FLRT2: variants seen among roughly 807,000 people sequenced by gnomAD.
FLRT2 encodes the protein fibronectin leucine rich transmembrane protein 2, also known as leucine-rich repeat transmembrane protein FLRT2.
Under a neutral mutation model 40.0 loss-of-function variants are expected in FLRT2, and 15 were observed. That is an observed-to-expected ratio of 0.38 (90% CI 0.25 to 0.58). The LOEUF (loss-of-function observed/expected upper bound fraction) is 0.58, where lower values mean the gene tolerates loss of function less well. Among genes scored for constraint, FLRT2 ranks in the 20% least tolerant of loss-of-function variants. The probability of loss-of-function intolerance (pLI) is 0.71; values close to 1 mark genes in which losing one functional copy is unlikely to be tolerated. For missense variants in FLRT2, 726 were observed against 840.0 expected (o/e 0.86, Z 1.68); for synonymous variants, 380 against 336.8 (o/e 1.13, Z -1.41).
chr14:85,653,125 C>T lies in FLRT2; in HGVS notation c.*29628C>T, dbSNP rs1195492984. The T allele has an allele frequency of 6.6e-6, 1 of 152,160 alleles. No individual in the cohort carries two copies. The highest frequency in any genetic ancestry group is 2.4e-5 in the African/African-American group (1 of 41,442). The allele number at this position is 152,160 out of a possible 1,614,324, so 9.4% of individuals were successfully genotyped here. A position where few individuals can be genotyped will look rare whatever the true frequency, so the allele number is the denominator to read the frequency against. ...ACATTTATAATTATGCATCTGAAGT[C>T]AGAACACCTTTTCTTTTTAAACATT... is the stretch of plus-strand genomic sequence containing the variant. On this transcript the variant is annotated 3_prime_UTR_variant, in exon 2 of 2. Transcript: ENST00000330753.
At position 85,626,988 on chromosome 14, in the gene FLRT2, G is replaced by A. The variant is rs574907343; in HGVS notation, c.*3491G>A. On this transcript the variant is annotated 3_prime_UTR_variant, in exon 2 of 2. Transcript: ENST00000330753. ...TGATTGAAGCATCCATTCAGAACAC[G>A]AGGCAATATTGCAGTCCACAGGGAA... 2.4e-5 allele frequency: 4 copies of A among 167,088 alleles called. No individual in the cohort carries two copies. The highest frequency in any genetic ancestry group is 3.9e-4 in the East Asian group (2 of 5,176). 10.4% of individuals were successfully genotyped at this position (167,088 alleles called of 1,614,324 possible). A position where few individuals can be genotyped will look rare whatever the true frequency, so the allele number is the denominator to read the frequency against.
rs1320331710 is a variant in FLRT2, at chr14:85,622,279, C to G, written c.765C>G (p.Ile255Met). The G allele has an allele frequency of 6.2e-7, 1 of 1,614,168 alleles. No individual in the cohort carries two copies. The highest frequency in any genetic ancestry group is 1.1e-5 in the South Asian group (1 of 91,088). Residue 255 changes from isoleucine to methionine, a missense_variant, in exon 2 of 2, where the codon ATC becomes ATG. This residue lies in a region of FLRT2 where 611 missense variants were observed against 690.0 expected (regional missense o/e 0.89). Coordinates refer to ENST00000330753, the MANE Select transcript of FLRT2 (RefSeq NM_013231.6). ...PPPDLPGTHL[I>M]RLYLQDNQIN... is the part of the protein sequence containing the mutation. ...CCGATCTCCCAGGTACGCATCTGAT[C>G]AGGCTCTATTTGCAGGACAACCAGA...
In FLRT2 at chr14:85,621,843, A is replaced by G. The variant is rs1893400292; in HGVS notation, c.329A>G (p.Asn110Ser). 6.2e-7 allele frequency: 1 copy of G among 1,614,012 alleles called. No homozygotes were observed. The highest frequency in any genetic ancestry group is 8.5e-7 in the Non-Finnish European group (1 of 1,180,002). ...GAATTCCCCATGAACCTTCCCAAGA[A>G]TGTCAGAGTTCTCCATTTGCAGGAA... Reference protein sequence around the residue: ...LDEFPMNLPKNVRVLHLQENN... With the variant: ...LDEFPMNLPKSVRVLHLQENN... The change falls in exon 2 of 2, where the codon AAT becomes AGT. Residue 110 changes from asparagine (N) to serine (S), a missense_variant. Physicochemically the swap from Asn to Ser is conservative, Grantham distance 46. Around this residue, in one of 3 missense-constraint regions of FLRT2, gnomAD observed 9 missense variants for 28.8 expected, o/e 0.31. Coordinates refer to ENST00000330753, the MANE Select transcript of FLRT2 (RefSeq NM_013231.6).
chr14:85,590,083 A>G (rs534163702), intron 1 of FLRT2, among the ~76,000 whole-genome samples: 1 of 149,876 alleles, frequency 6.7e-6, no homozygotes, highest in Admixed American at 6.6e-5. Flanking sequence ...TAAACATAAC[A>G]TTATAGACCT....
intron 1 of FLRT2, among the ~76,000 whole-genome samples, chr14:85,583,557 C>A (rs1891483357): frequency 1.3e-5 from 2 of 152,180 alleles, no homozygotes; most frequent in South Asian, 2.1e-4. Flanking sequence ...CAGAATTAAG[C>A]AGTAGATGCT....
rs1025857764 is a variant in FLRT2, at chr14:85,648,698, C to G, written c.*25201C>G. 1.3e-5 allele frequency: 2 copies of G among 152,094 alleles called. No individual in the cohort carries two copies. Among genetic ancestry groups the G allele is most frequent in the Admixed American group, 6.6e-5 (1 of 15,234 alleles). The allele number at this position is 152,094 out of a possible 1,614,324, so 9.4% of individuals were successfully genotyped here. ...AGGTTTTATTTCCTAAACTGGACCTCTTACCAAACACAGATGAGATGTACT... is the reference window on the plus strand; with the variant it reads ...AGGTTTTATTTCCTAAACTGGACCTGTTACCAAACACAGATGAGATGTACT... On this transcript the variant is annotated 3_prime_UTR_variant, in exon 2 of 2. Transcript: ENST00000330753.
chr14:85,543,536 A>T (rs1388119746), intron 1 of FLRT2, among the ~76,000 whole-genome samples: 1 of 151,640 alleles, frequency 6.6e-6, no homozygotes, highest in Non-Finnish European at 1.5e-5. Flanking sequence ...CTAAAAAAAA[A>T]AAATAAAGAA....
rs547528351 is a variant in FLRT2 at position 85,623,660 on chromosome 14, A to T, written c.*163A>T. Reference sequence around the variant, plus strand: ...TACGGTGTACTATATAATGGGATTTAAAAAAAGTGCTATCTTTTCTATTTC... The same window carrying T: ...TACGGTGTACTATATAATGGGATTTTAAAAAAGTGCTATCTTTTCTATTTC... On this transcript the variant is annotated 3_prime_UTR_variant, in exon 2 of 2. Coordinates refer to ENST00000330753, the MANE Select transcript of FLRT2 (RefSeq NM_013231.6). 2.5e-4 allele frequency: 129 copies of T among 515,770 alleles called. No homozygotes were observed. The highest frequency in any genetic ancestry group is 4.3e-4 in the African/African-American group (22 of 50,712). 31.9% of individuals were successfully genotyped at this position (515,770 alleles called of 1,614,324 possible). A position where few individuals can be genotyped will look rare whatever the true frequency, so the allele number is the denominator to read the frequency against.
chr14:85,615,845 C>T (rs1027461249), intron 1 of FLRT2, among the ~76,000 whole-genome samples: 14 of 144,442 alleles, frequency 9.7e-5, no homozygotes, highest in Non-Finnish European at 6.1e-5. Context: ...CATTCTATTA[C>T]GCGATTGGCA....
In FLRT2 at chr14:85,535,892, G is replaced by GTTTTGTTTTTTTTTTTTTTTTTTTT. The variant is rs1566713949; in HGVS notation, c.-377+5362_-377+5363insGTTTTTTTTTTTTTTTTTTTTTTTT. Reference sequence around the variant, plus strand: ...ACAAACCTAGCATGGAAGGAATGCTGTTTTTTTTTTTTTTTTTTTTTTTTT... The same window carrying GTTTTGTTTTTTTTTTTTTTTTTTTT: ...ACAAACCTAGCATGGAAGGAATGCTGTTTTGTTTTTTTTTTTTTTTTTTTTTTTTTTTTTTTTTTTTTTTTTTTTT... On this transcript the variant is annotated intron_variant, in intron 1 of 1. Transcript: ENST00000330753. Among the ~76,000 whole-genome samples, 2 of 57,898 alleles carry GTTTTGTTTTTTTTTTTTTTTTTTTT rather than the reference G, an allele frequency of 3.5e-5. 1 individual carries two copies. 38.0% of individuals were successfully genotyped at this position (57,898 alleles called of 152,430 possible).
At chr14:85,574,094 A>G (rs1891015495) in intron 1 of FLRT2, among the ~76,000 whole-genome samples, 1 of 152,184 alleles carries the variant, frequency 6.6e-6, no homozygotes, top group Non-Finnish European at 1.5e-5. Flanking sequence ...GAAACCGTGA[A>G]GCATACTAGT....
chr14:85,546,074 T>A (rs1270598284), intron 1 of FLRT2, among the ~76,000 whole-genome samples: 1 of 152,196 alleles, frequency 6.6e-6, no homozygotes, highest in Non-Finnish European at 1.5e-5. Flanking sequence ...TGTTCCACAT[T>A]GATGAATGGA....
At chr14:85,548,957 G>A (rs749768493) in intron 1 of FLRT2, among the ~76,000 whole-genome samples, 10 of 152,292 alleles carry the variant, frequency 6.6e-5, no homozygotes, top group Middle Eastern at 3.4e-3. Flanking sequence ...GTAGCTGGAC[G>A]TTGGAGAAAA....
chr14:85,606,929 A>T (rs1004242986), intron 1 of FLRT2, among the ~76,000 whole-genome samples: 7 of 149,364 alleles, frequency 4.7e-5, no homozygotes, highest in African/African-American at 1.3e-4. Context: ...CATCCGAAGG[A>T]GATTGCCTAG....
Position 85,622,480 on chromosome 14 carries a change from A to C in FLRT2, c.966A>C (p.Thr322=). Reference sequence around the variant, plus strand: ...GTGACTGCAGTATTAAATGGGTCACAGAATGGCTCAAATATATCCCTTCAT... The same window carrying C: ...GTGACTGCAGTATTAAATGGGTCACCGAATGGCTCAAATATATCCCTTCAT... The part of the protein sequence containing the change: ...WFCDCSIKWV[T]EWLKYIPSSL... The change falls in exon 2 of 2, where the codon ACA becomes ACC. Residue 322 remains threonine (T), a synonymous_variant. Coordinates refer to ENST00000330753, the MANE Select transcript of FLRT2 (RefSeq NM_013231.6). 1 of 1,614,204 alleles carries C rather than the reference A, an allele frequency of 6.2e-7. No homozygotes were observed. Among genetic ancestry groups the C allele is most frequent in the Non-Finnish European group, 8.5e-7 (1 of 1,180,038 alleles).
At position 85,630,661 on chromosome 14, in the gene FLRT2, A is replaced by G. The variant is rs1054563158; in HGVS notation, c.*7164A>G. On this transcript the variant is annotated 3_prime_UTR_variant, in exon 2 of 2. Coordinates refer to ENST00000330753, the MANE Select transcript of FLRT2 (RefSeq NM_013231.6). ...TGCTTTTTTTGAGCAGAATATGGCC[A>G]GGCTGGTCTCAAACTCCTGATCTTA... The G allele has an allele frequency of 1.3e-5, 2 of 152,118 alleles. No homozygotes were observed. Among genetic ancestry groups the G allele is most frequent in the Admixed American group, 1.3e-4 (2 of 15,274 alleles). The allele number at this position is 152,118 out of a possible 1,614,324, so 9.4% of individuals were successfully genotyped here.
intron 1 of FLRT2, among the ~76,000 whole-genome samples, chr14:85,565,533 A>G (rs1044753063): frequency 6.6e-6 from 1 of 152,162 alleles, no homozygotes; most frequent in African/African-American, 2.4e-5. Context: ...CATTACATGC[A>G]TGGTTAGTGA....
At chr14:85,563,538 G>A (rs898504681) in intron 1 of FLRT2, among the ~76,000 whole-genome samples, 1 of 152,122 alleles carries the variant, frequency 6.6e-6, no homozygotes, top group Non-Finnish European at 1.5e-5. Flanking sequence ...TCTTCACATG[G>A]TGGAGCAGGA....
chr14:85,644,613 G>C lies in FLRT2; in HGVS notation c.*21116G>C, dbSNP rs940213099. The C allele has an allele frequency of 6.6e-6, 1 of 152,204 alleles. No individual in the cohort carries two copies. The highest frequency in any genetic ancestry group is 6.5e-5 in the Admixed American group (1 of 15,278). The allele number at this position is 152,204 out of a possible 1,614,324, so 9.4% of individuals were successfully genotyped here. ...CTGGGAGTTTAGTCCGGCATGTCTG[G>C]AAATCCTTTCCAAAGAAACTGGGCC... On this transcript the variant is annotated 3_prime_UTR_variant, in exon 2 of 2. Coordinates refer to ENST00000330753, the MANE Select transcript of FLRT2 (RefSeq NM_013231.6).
Sources: allele counts gnomAD v4.1 joint callset (sites outside exome capture counted in the v4.1 genomes callset), GRCh38; gene constraint gnomAD v4.1.1; regional missense constraint gnomAD v4.1.1; transcripts MANE v1.5; gene names NCBI Gene and HGNC (gene_info 2026-07-23, HGNC 2026-07-21).